Variants in ERCC4 observed in about 807,000 individuals in gnomAD.
ERCC4 encodes ERCC excision repair 4, endonuclease catalytic subunit.
Under a neutral mutation model 76.9 loss-of-function variants are expected in ERCC4, and 65 were observed. The observed-to-expected ratio is 0.84, with a 90% CI of 0.69 to 1.04. The LOEUF is 1.04. ERCC4 is among the 50% of genes least tolerant of loss of function. ERCC4 has a pLI of 0.00. For missense variants in ERCC4, 1,214 were observed against 1,128.2 expected (o/e 1.08, Z -1.09); for synonymous variants, 463 against 410.1 (o/e 1.13, Z -1.56).
At chr16:13,946,425 T>C (rs3136215) in intron 10 of ERCC4, among the ~76,000 whole-genome samples, 5,395 of 152,292 alleles carry the variant, frequency 0.035, 151 homozygotes, top group Non-Finnish European at 0.056. Flanking sequence ...TGTAACACAA[T>C]GGTAAGTATT....
chr16:13,946,687 T>C (rs558764654), intron 10 of ERCC4, among the ~76,000 whole-genome samples: 132 of 152,342 alleles, frequency 8.7e-4, no homozygotes, highest in African/African-American at 3.1e-3. Context: ...CATTTTGTTA[T>C]GAATGCAGAT....
At position 13,922,202 on chromosome 16, in the gene ERCC4, T is replaced by G; in HGVS notation, c.379T>G (p.Leu127Val). The change falls in exon 2 of 11, where the codon TTA (leucine) becomes GTA (valine). Residue 127 changes from leucine (L) to valine (V), a missense_variant. Coordinates refer to ENST00000311895, the MANE Select transcript of ERCC4 (RefSeq NM_005236.3). ...DFLTDRIPSD[L>V]ITGILVYRAH... is the part of the protein sequence containing the mutation. ...CTTGACTGATAGAATACCTTCAGAT[T>G]TAATTACTGGTAAGAATTTGAAATC... 6.2e-7 allele frequency: 1 copy of G among 1,604,100 alleles called. No homozygotes were observed. Among genetic ancestry groups the G allele is most frequent in the Non-Finnish European group, 8.5e-7 (1 of 1,171,476 alleles).
rs376688194 is a variant in ERCC4 at position 13,947,814 on chromosome 16, C to T, written c.2218C>T (p.Arg740Cys). The T allele has an allele frequency of 2.8e-5, 45 of 1,614,046 alleles. No individual in the cohort carries two copies. The highest frequency in any genetic ancestry group is 3.6e-5 in the Non-Finnish European group (43 of 1,180,038). Residue 740 changes from arginine to cysteine, a missense_variant, in exon 11 of 11, where the codon CGC (arginine) becomes TGC (cysteine). By Grantham distance (180) the Arg-to-Cys change is radical. Transcript: ENST00000311895. Reference protein sequence around the residue: ...SDLIGSLNNGRLYSQCISMSR... With the variant: ...SDLIGSLNNGCLYSQCISMSR... ...TTTAATCGGCTCTTTAAATAACGGC[C>T]GCCTCTACAGCCAGTGCATCTCCAT...
chr16:13,927,741 T>C, intron 3 of ERCC4: 1 of 420,628 alleles, frequency 2.4e-6, no homozygotes, highest in Non-Finnish European at 4.4e-6. Context: ...TATAGACTGC[T>C]TACATAAGTA....
At chr16:13,921,452 T>C (rs1219530195) in intron 1 of ERCC4, among the ~76,000 whole-genome samples, 1 of 152,080 alleles carries the variant, frequency 6.6e-6, no homozygotes, top group Admixed American at 6.5e-5. Flanking sequence ...GTGACCACAG[T>C]CTCTTTGAGG....
chr16:13,922,586 TG>T, intron 2 of ERCC4: 1 of 674,830 alleles, frequency 1.5e-6, no homozygotes, highest in Non-Finnish European at 2.7e-6. Context: ...GCTTTATCCT[TG>T]GGCACACATC....
chr16:13,930,596 C>T, intron 4 of ERCC4, 114 bp from the exon 5 acceptor site: 1 of 772,776 alleles, frequency 1.3e-6, no homozygotes, highest in Non-Finnish European at 2.2e-6. Context: ...ATAAAATTTA[C>T]CATTTTAACC....
rs1417763746 is a variant in ERCC4 at position 13,950,438 on chromosome 16, A to T, written c.*2091A>T. 2 of 188,242 alleles carry T rather than the reference A, an allele frequency of 1.1e-5. No individual in the cohort carries two copies. The highest frequency in any genetic ancestry group is 4.7e-5 in the African/African-American group (2 of 42,866). 11.7% of individuals were successfully genotyped at this position (188,242 alleles called of 1,614,324 possible). The stretch of plus-strand genomic sequence containing the variant: ...TAGAACTCTGTAAGATGATGTGGAG[A>T]GTAAGGAAAAGGAGAAGAAATAAAA... On this transcript the variant is annotated 3_prime_UTR_variant, in exon 11 of 11. Transcript: ENST00000311895.
chr16:13,927,857 C>T, intron 3 of ERCC4, 171 bp from the exon 4 acceptor site: 1 of 616,606 alleles, frequency 1.6e-6, no homozygotes, highest in Admixed American at 2.5e-5. Context: ...TGCTTCTATT[C>T]ATTGAGGTTC....
rs111613748 is a variant in ERCC4, at chr16:13,947,990, A to G, written c.2394A>G (p.Leu798=). ...TTCTTACACTTCACTTCCCCAGACT[A>G]CGGATTCTCTGGTGCCCCTCTCCTC... The part of the protein sequence containing the change: ...LTLLTLHFPR[L]RILWCPSPHA... The change falls in exon 11 of 11, where the codon CTA becomes CTG. Residue 798 remains leucine, a synonymous_variant. Coordinates refer to ENST00000311895, the MANE Select transcript of ERCC4 (RefSeq NM_005236.3). 1.2e-6 allele frequency: 2 copies of G among 1,614,016 alleles called. No homozygotes were observed. The highest frequency in any genetic ancestry group is 8.5e-7 in the Non-Finnish European group (1 of 1,180,022).
intron 1 of ERCC4, among the ~76,000 whole-genome samples, chr16:13,920,586 G>A (rs2031953635): frequency 1.3e-5 from 2 of 151,638 alleles, no homozygotes. Context: ...GTCGCTAGGA[G>A]GATACCGGTC....
intron 9 of ERCC4, among the ~76,000 whole-genome samples, chr16:13,942,988 G>A (rs2032444017): frequency 6.6e-6 from 1 of 152,228 alleles, no homozygotes; most frequent in African/African-American, 2.4e-5. Flanking sequence ...GGGCTTTTCA[G>A]CAGGTAGCGC....
In ERCC4 at chr16:13,947,891, G is replaced by T. The variant is rs1567253853; in HGVS notation, c.2295G>T (p.Lys765Asn). ...PVLLIEFDPS[K>N]PFSLTSRGAL... ...TTCTGATTGAGTTTGACCCTAGCAAGCCTTTCTCTCTCACTTCCCGAGGTG... is the reference window on the plus strand; with the variant it reads ...TTCTGATTGAGTTTGACCCTAGCAATCCTTTCTCTCTCACTTCCCGAGGTG... The change falls in exon 11 of 11, where the codon AAG (lysine) becomes AAT (asparagine). Residue 765 changes from lysine (K) to asparagine (N), a missense_variant. Transcript: ENST00000311895. 5 of 1,614,164 alleles carry T rather than the reference G, an allele frequency of 3.1e-6. No homozygotes were observed. The highest frequency in any genetic ancestry group is 1.6e-4 in the Middle Eastern group (1 of 6,062).
At chr16:13,944,906 C>A in intron 10 of ERCC4, 71 bp downstream of exon 10, 2 of 1,010,672 alleles carry the variant, frequency 2.0e-6, no homozygotes, top group Non-Finnish European at 3.1e-6. Context: ...AGTTACTCTG[C>A]CAAGGCTTGG....
At position 13,928,168 on chromosome 16, in the gene ERCC4, G is replaced by A. The variant is rs768217559; in HGVS notation, c.725G>A (p.Cys242Tyr). The A allele has an allele frequency of 4.3e-6, 7 of 1,613,740 alleles. No homozygotes were observed. The highest frequency in any genetic ancestry group is 5.9e-6 in the Non-Finnish European group (7 of 1,179,764). Residue 242 changes from cysteine (C) to tyrosine (Y), a missense_variant, in exon 4 of 11, where the codon TGC becomes TAC. Cys to Tyr is a radical substitution (Grantham distance 194). Transcript: ENST00000311895. ...AATGCATGTCTAAAGGAACTAAAAT[G>A]CCATAACCCATCGCTTGAAGTGGAA... ...ILNACLKELK[C>Y]HNPSLEVEDL...
At chr16:13,934,170 A>C in intron 6 of ERCC4, 22 bp from the exon 7 acceptor site, 1 of 1,434,654 alleles carries the variant, frequency 7.0e-7, no homozygotes, top group Non-Finnish European at 9.8e-7. Flanking sequence ...ACATAGAATG[A>C]GATATTTTTA....
In ERCC4 at chr16:13,937,772, C is replaced by G; in HGVS notation, c.1818C>G (p.Tyr606Ter). Residue 606 changes from tyrosine (Y) to a stop codon, truncating the protein, a stop_gained, in exon 9 of 11, where the codon TAC becomes TAG. Transcript: ENST00000311895. LOFTEE classifies it high-confidence loss of function. ...GTTCTGTCTTAACATGCAGGGTTTA[C>G]TTTCTTATATACGGAGGTTCAACTG... ...ASRPGKPLRV[Y>*]FLIYGGSTEE... 2 of 1,608,352 alleles carry G rather than the reference C, an allele frequency of 1.2e-6. No homozygotes were observed. The highest frequency in any genetic ancestry group is 1.7e-6 in the Non-Finnish European group (2 of 1,174,788).
chr16:13,939,758 A>G (rs1007667530), intron 9 of ERCC4, among the ~76,000 whole-genome samples: 4 of 152,170 alleles, frequency 2.6e-5, no homozygotes, highest in Non-Finnish European at 5.9e-5. Flanking sequence ...GTCTGATGGG[A>G]GAAGGTGGTA....
chr16:13,928,764 TG>T (rs762253622), intron 4 of ERCC4, among the ~76,000 whole-genome samples: 1 of 152,162 alleles, frequency 6.6e-6, no homozygotes, highest in Non-Finnish European at 1.5e-5. Context: ...GATATATAAA[TG>T]TCTACTTTTT....
Sources: gnomAD v4.1 joint callset for allele counts (sites outside exome capture counted in the v4.1 genomes callset) on GRCh38, gnomAD v4.1.1 for gene constraint, MANE v1.5 for transcripts, NCBI Gene and HGNC (gene_info 2026-07-23, HGNC 2026-07-21) for gene names.